Variants in KLF13 observed in about 807,000 individuals in gnomAD.
KLF13 encodes the protein KLF transcription factor 13, also known as Krueppel-like factor 13.
In KLF13, 8 loss-of-function variants were observed where a neutral mutation model predicts 16.7. That is an observed-to-expected ratio of 0.48 (90% confidence interval 0.28 to 0.87). The LOEUF is 0.87. Among genes scored for constraint, KLF13 ranks in the 40% least tolerant of loss-of-function variants. KLF13 has a pLI of 0.10. For missense variants in KLF13, 447 were observed against 452.2 expected (o/e 0.99, Z 0.10); for synonymous variants, 245 against 208.4 (o/e 1.18, Z -1.51).
At chr15:31,387,819 GGGCTGTGACCAGCCTGTGATCA>G (rs1286466809) in intron 1 of KLF13, among the ~76,000 whole-genome samples, 1 of 152,222 alleles carries the variant, frequency 6.6e-6, no homozygotes, top group African/African-American at 2.4e-5. Context: ...GTCCGTGACA[GGGCTGTGACCAGCCTGTGATCA>G]GGCTGTGACC....
intron 1 of KLF13, among the ~76,000 whole-genome samples, chr15:31,385,517 CT>C (rs111607833): frequency 4.7e-4 from 72 of 152,332 alleles, no homozygotes; most frequent in African/African-American, 1.7e-3. Flanking sequence ...CACTTTGTGT[CT>C]TGGTCACATT....
In KLF13 at chr15:31,375,504, C is replaced by T. The variant is rs991931587; in HGVS notation, c.*3205C>T. 2.6e-5 allele frequency: 4 copies of T among 152,184 alleles called. No homozygotes were observed. The highest frequency in any genetic ancestry group is 5.9e-5 in the Non-Finnish European group (4 of 68,040). The allele number at this position is 152,184 out of a possible 1,614,324, so 9.4% of individuals were successfully genotyped here. A position where few individuals can be genotyped will look rare whatever the true frequency, so the allele number is the denominator to read the frequency against. ...AACTCAAACCCTTATTTTGGGACTT[C>T]AGTTCTCGTGGTCCATAGGGGCAGA... On this transcript the variant is annotated 3_prime_UTR_variant, in exon 2 of 2. Coordinates refer to ENST00000307145, the MANE Select transcript of KLF13 (RefSeq NM_015995.4).
In KLF13 at chr15:31,374,428, A is replaced by T. The variant is rs2039610383; in HGVS notation, c.*2129A>T. Reference sequence around the variant, plus strand: ...TGCTTGCATTGGGTCTGGGAGAGAGAGTGGAATATTTGGTAGGGACCTTGA... The same window carrying T: ...TGCTTGCATTGGGTCTGGGAGAGAGTGTGGAATATTTGGTAGGGACCTTGA... On this transcript the variant is annotated 3_prime_UTR_variant, in exon 2 of 2. Coordinates refer to ENST00000307145, the MANE Select transcript of KLF13 (RefSeq NM_015995.4). 1.3e-5 allele frequency: 2 copies of T among 152,304 alleles called. No homozygotes were observed. The highest frequency in any genetic ancestry group is 6.6e-5 in the Admixed American group (1 of 15,262). 9.4% of individuals were successfully genotyped at this position (152,304 alleles called of 1,614,324 possible). A position where few individuals can be genotyped will look rare whatever the true frequency, so the allele number is the denominator to read the frequency against.
chr15:31,419,045 GT>G (rs2141006826), intron 1 of KLF13, among the ~76,000 whole-genome samples: 1 of 152,266 alleles, frequency 6.6e-6, no homozygotes, highest in South Asian at 2.1e-4. Context: ...TCTGCTTCTG[GT>G]GAGGGCCTCA....
intron 1 of KLF13, among the ~76,000 whole-genome samples, chr15:31,365,567 A>C (rs934770893): frequency 6.9e-6 from 1 of 144,830 alleles, no homozygotes; most frequent in South Asian, 2.4e-4. Context: ...CGCAGACAGA[A>C]AGATCTGCAG....
At position 31,375,715 on chromosome 15, in the gene KLF13, A is replaced by G. The variant is rs1260218725; in HGVS notation, c.*3416A>G. 6.6e-6 allele frequency: 1 copy of G among 152,184 alleles called. No individual in the cohort carries two copies. The highest frequency in any genetic ancestry group is 1.5e-5 in the Non-Finnish European group (1 of 68,036). 9.4% of individuals were successfully genotyped at this position (152,184 alleles called of 1,614,324 possible). A position where few individuals can be genotyped will look rare whatever the true frequency, so the allele number is the denominator to read the frequency against. ...CAAATGCCTACTGGATCCTACAGCC[A>G]TACAGGAAAACAGACGGACACAGCC... On this transcript the variant is annotated 3_prime_UTR_variant, in exon 2 of 2. Coordinates refer to ENST00000307145, the MANE Select transcript of KLF13 (RefSeq NM_015995.4).
intron 1 of KLF13, among the ~76,000 whole-genome samples, chr15:31,367,109 G>T (rs930131212): frequency 1.3e-5 from 2 of 152,206 alleles, no homozygotes; most frequent in Admixed American, 6.5e-5. Flanking sequence ...GTGGCCTGGG[G>T]CATGTTGCTC....
chr15:31,433,063 AAC>A (rs569063389), intron 1 of KLF13, among the ~76,000 whole-genome samples: 87 of 152,326 alleles, frequency 5.7e-4, no homozygotes, highest in African/African-American at 1.9e-3. Flanking sequence ...CAGAAAAATA[AAC>A]ACATAAATAA....
At chr15:31,404,468 G>T (rs557143271) in exon 3 of KLF13, 1 of 152,206 alleles carries the variant, frequency 6.6e-6, no homozygotes, top group Admixed American at 6.5e-5. Flanking sequence ...CTAGCTAGAG[G>T]TTTCTAAAAT....
At chr15:31,362,662 A>G (rs1166178654) in intron 1 of KLF13, among the ~76,000 whole-genome samples, 1 of 152,208 alleles carries the variant, frequency 6.6e-6, no homozygotes, top group Non-Finnish European at 1.5e-5. Flanking sequence ...TTTAGAATCT[A>G]AAAGATTTAA....
intron 1 of KLF13, among the ~76,000 whole-genome samples, chr15:31,353,096 G>A (rs1425435692): frequency 6.6e-6 from 1 of 152,172 alleles, no homozygotes; most frequent in Non-Finnish European, 1.5e-5. Context: ...CCTGGGCCAG[G>A]GGGCTGGGCT....
chr15:31,335,861 C>A (rs185970740), intron 1 of KLF13, among the ~76,000 whole-genome samples: 1 of 152,216 alleles, frequency 6.6e-6, no homozygotes, highest in African/African-American at 2.4e-5. Flanking sequence ...GGAGCCCACG[C>A]TGCATCATGA....
chr15:31,417,093 G>A (rs1474945261), intron 1 of KLF13, among the ~76,000 whole-genome samples: 1 of 152,132 alleles, frequency 6.6e-6, no homozygotes, highest in East Asian at 1.9e-4. Flanking sequence ...TCCATGTGAT[G>A]CCTTCTACCA....
intron 1 of KLF13, among the ~76,000 whole-genome samples, chr15:31,384,848 A>C (rs1326131464): frequency 6.6e-6 from 1 of 152,178 alleles, no homozygotes; most frequent in Non-Finnish European, 1.5e-5. Context: ...AGCACCAAAC[A>C]CACCAAGCAA....
upstream of KLF13, among the ~76,000 whole-genome samples, chr15:31,390,605 A>AT (rs1386356512): frequency 1.3e-5 from 2 of 151,996 alleles, no homozygotes; most frequent in Admixed American, 1.3e-4. Flanking sequence ...GAGGCAGGTC[A>AT]TTTTTTCCTT....
At chr15:31,346,938 C>T (rs562748409) in intron 1 of KLF13, among the ~76,000 whole-genome samples, 2 of 152,108 alleles carry the variant, frequency 1.3e-5, no homozygotes, top group East Asian at 1.9e-4. Context: ...AGAGGGGCAG[C>T]GTAGGGTCCT....
intron 1 of KLF13, among the ~76,000 whole-genome samples, chr15:31,341,508 T>TG (rs1271466163): frequency 6.6e-6 from 1 of 151,990 alleles, no homozygotes; most frequent in East Asian, 1.9e-4. Context: ...AATCTTTTTT[T>TG]TTTTTTTTGA....
At chr15:31,391,666 C>T (rs1023805527), upstream of KLF13, among the ~76,000 whole-genome samples, 2 of 145,288 alleles carry the variant, frequency 1.4e-5, no homozygotes, top group African/African-American at 5.1e-5. Context: ...CGGTCCGAAA[C>T]GGCTCTAGGT....
At chr15:31,424,831 A>T (rs2040382208) in intron 1 of KLF13, among the ~76,000 whole-genome samples, 1 of 150,498 alleles carries the variant, frequency 6.6e-6, no homozygotes, top group Non-Finnish European at 1.5e-5. Context: ...AAGAAGTAAA[A>T]ATACTTCTGT....
Sources: gnomAD v4.1 joint callset for allele counts (sites outside exome capture counted in the v4.1 genomes callset) on GRCh38, gnomAD v4.1.1 for gene constraint, MANE v1.5 for transcripts, NCBI Gene and HGNC (gene_info 2026-07-23, HGNC 2026-07-21) for gene names.